Variants in CSPG5 observed in about 807,000 individuals in gnomAD.
CSPG5 encodes the protein acidic leucine-rich EGF-like domain-containing brain protein.
In CSPG5, 25 loss-of-function variants were observed where a neutral mutation model predicts 39.8. That is an observed-to-expected ratio of 0.63 (90% CI 0.46 to 0.88). The LOEUF is 0.88. Among genes scored for constraint, CSPG5 ranks in the 40% least tolerant of loss-of-function variants. The pLI, the probability that CSPG5 is intolerant of heterozygous loss-of-function variation, is 0.00. For missense variants in CSPG5, 627 were observed against 702.2 expected, an observed-to-expected ratio of 0.89 and a Z score of 1.21; for synonymous variants, 295 against 303.9, an observed-to-expected ratio of 0.97 and a Z score of 0.31.
At chr3:47,574,310 T>G (rs2031628490) in intron 2 of CSPG5, among the ~76,000 whole-genome samples, 1 of 152,116 alleles carries the variant, frequency 6.6e-6, no homozygotes. Context: ...GGCTCCAAAT[T>G]TCATACTATT....
Position 47,577,395 on chromosome 3 carries a change from C to T in CSPG5, c.631G>A (p.Asp211Asn), listed in dbSNP as rs2108209977. Residue 211 changes from aspartate (D) to asparagine (N), a missense_variant, in exon 2 of 5, where the codon GAC (aspartate) becomes AAC (asparagine). Coordinates refer to ENST00000264723, the MANE Select transcript of CSPG5 (RefSeq NM_006574.4). This position sits in a 1 kb window ranked among gnomAD's most constrained non-coding sequence, Gnocchi z 4.7. ...TCACCATCCAGTCCTTCGAAGTAGT[C>T]GATGTCAATGATATCTGATGCCGGT... is the stretch of plus-strand genomic sequence containing the variant. ...PQPASDIIDI[D>N]YFEGLDGEGR... 6.2e-7 allele frequency: 1 copy of T among 1,614,162 alleles called. No homozygotes were observed. Among genetic ancestry groups the T allele is most frequent in the South Asian group, 1.1e-5 (1 of 91,080 alleles).
intron 3 of CSPG5, among the ~76,000 whole-genome samples, chr3:47,570,921 CA>C (rs1209602284): frequency 6.6e-6 from 1 of 152,068 alleles, no homozygotes; most frequent in African/African-American, 2.4e-5. Flanking sequence ...CAGGGAATTA[CA>C]ACTACATCAT....
At chr3:47,569,275 G>C (rs572013771) in intron 3 of CSPG5, 48 bp from the exon 4 acceptor site, 3 of 1,571,472 alleles carry the variant, frequency 1.9e-6, no homozygotes, top group South Asian at 1.1e-5. Context: ...AAATAATCAC[G>C]GCAAAACATG....
chr3:47,571,292 G>A (rs2031519455), intron 3 of CSPG5, among the ~76,000 whole-genome samples: 1 of 152,224 alleles, frequency 6.6e-6, no homozygotes, highest in Admixed American at 6.5e-5. Context: ...AGAGGGCCAT[G>A]CTCTGTGAAA....
At chr3:47,574,117 C>A (rs1256687579) in intron 2 of CSPG5, among the ~76,000 whole-genome samples, 1 of 152,138 alleles carries the variant, frequency 6.6e-6, no homozygotes. Context: ...GGGATGGAAG[C>A]TAAGCAAGGG....
At chr3:47,567,378 T>A (rs141501367) in intron 4 of CSPG5, among the ~76,000 whole-genome samples, 1 of 152,306 alleles carries the variant, frequency 6.6e-6, no homozygotes, top group Non-Finnish European at 1.5e-5. Flanking sequence ...CGGGATAATG[T>A]GCTCACCGAG....
intron 3 of CSPG5, among the ~76,000 whole-genome samples, chr3:47,571,404 C>A (rs1414304756): frequency 2.6e-5 from 4 of 152,216 alleles, no homozygotes; most frequent in African/African-American, 9.7e-5. Flanking sequence ...TTCTCTCCCC[C>A]ATCCTCATCA....
In CSPG5 at chr3:47,577,004, G is replaced by A. The variant is rs773659783; in HGVS notation, c.1022C>T (p.Pro341Leu). The A allele has an allele frequency of 1.9e-6, 3 of 1,613,274 alleles. No individual in the cohort carries two copies. In the South Asian group the frequency reaches 3.3e-5, roughly 18 times the overall value. Residue 341 changes from proline (P) to leucine (L), a missense_variant, in exon 2 of 5, where the codon CCC becomes CTC. Pro to Leu is a moderately conservative substitution (Grantham distance 98). Transcript: ENST00000264723. The surrounding 1 kb of genome is among the most constrained non-coding windows in gnomAD (Gnocchi z 4.7). ...GTCCCTGCCTGGCTCTCCTGGGCGG[G>A]GCCTGAGGGCGATGCTGCTGCCGGG... ...SVPGSSIALR[P>L]RPGEPGRDLA...
At chr3:47,575,331 G>A (rs930088080) in intron 2 of CSPG5, among the ~76,000 whole-genome samples, 22 of 152,200 alleles carry the variant, frequency 1.4e-4, no homozygotes, top group Admixed American at 1.2e-3. Flanking sequence ...AACCCTCAAA[G>A]GAGTCTGAGG....
intron 4 of CSPG5, among the ~76,000 whole-genome samples, chr3:47,563,118 G>A (rs895092900): frequency 9.2e-5 from 14 of 152,262 alleles, no homozygotes; most frequent in South Asian, 6.2e-4. Flanking sequence ...TGCTGAGCCC[G>A]GCCTTCCTCT....
chr3:47,576,711 C>T (rs964423572), intron 2 of CSPG5, 122 bp downstream of exon 2: 113 of 1,147,808 alleles, frequency 9.8e-5, no homozygotes, highest in Non-Finnish European at 1.3e-4. Flanking sequence ...CCGCCTGCCT[C>T]AGCCTCCCAA....
intron 3 of CSPG5, among the ~76,000 whole-genome samples, chr3:47,571,538 T>C (rs1407194642): frequency 6.6e-6 from 1 of 152,196 alleles, no homozygotes; most frequent in Non-Finnish European, 1.5e-5. Flanking sequence ...TGATCACGTG[T>C]GTAGATGCAG....
chr3:47,569,076 A>G, intron 4 of CSPG5, 76 bp downstream of exon 4: 1 of 1,516,452 alleles, frequency 6.6e-7, no homozygotes, highest in Non-Finnish European at 8.8e-7. Context: ...GTTACCTGAC[A>G]GATAACGTTA....
rs1043170774 is a variant in CSPG5, at chr3:47,569,162, G to C, written c.1448C>G (p.Ser483Cys). 1.9e-6 allele frequency: 3 copies of C among 1,611,424 alleles called. No individual in the cohort carries two copies. The highest frequency in any genetic ancestry group is 1.7e-6 in the Non-Finnish European group (2 of 1,178,868). ...GCAAAGTTTCCTTACATTTGGGTGA[G>C]AGCCCTCGGCAATGGTGGAGAGGGA... ...NFSLSTIAEG[S>C]HPNDDPSAPH... Residue 483 changes from serine to cysteine, a missense_variant, in exon 4 of 5, where the codon TCT (serine) becomes TGT (cysteine). Ser to Cys is a moderately radical substitution (Grantham distance 112, BLOSUM62 -1). Coordinates refer to ENST00000264723, the MANE Select transcript of CSPG5 (RefSeq NM_006574.4).
At chr3:47,576,272 A>G (rs1295478176) in intron 2 of CSPG5, among the ~76,000 whole-genome samples, 1 of 151,742 alleles carries the variant, frequency 6.6e-6, no homozygotes, top group Non-Finnish European at 1.5e-5. Flanking sequence ...TTGGGTAAGG[A>G]CACAACACAC....
intron 3 of CSPG5, among the ~76,000 whole-genome samples, chr3:47,571,095 T>TAAAA (rs138935167): frequency 2.1e-5 from 3 of 143,124 alleles, no homozygotes; most frequent in South Asian, 2.2e-4. Flanking sequence ...TCAATTAAAT[T>TAAAA]AAAAAAAAAA....
chr3:47,564,342 G>A (rs1279994249), intron 4 of CSPG5, among the ~76,000 whole-genome samples: 3 of 152,162 alleles, frequency 2.0e-5, no homozygotes, highest in Admixed American at 2.0e-4. Context: ...CATGGTTCTT[G>A]TACACACAGG....
At position 47,578,371 on chromosome 3, in the gene CSPG5, C is replaced by T. The variant is rs2031860821; in HGVS notation, c.97+226G>A. 6.7e-6 allele frequency among the ~76,000 whole-genome samples: 1 copy of T among 150,028 alleles called. No individual in the cohort carries two copies. Among genetic ancestry groups the T allele is most frequent in the East Asian group, 2.0e-4 (1 of 5,016 alleles). ...CCCCGCCCCCAGTCCGCACCGCGGC[C>T]CGCGCGCTTGGGTCCCGGCTACCCC... On this transcript the variant is annotated intron_variant, in intron 1 of 4. Coordinates refer to ENST00000264723, the MANE Select transcript of CSPG5 (RefSeq NM_006574.4). This position sits in a 1 kb window ranked among gnomAD's most constrained non-coding sequence, Gnocchi z 6.0.
At position 47,577,090 on chromosome 3, in the gene CSPG5, C is replaced by G; in HGVS notation, c.936G>C (p.Gly312=). Residue 312 remains glycine (G), a synonymous_variant, in exon 2 of 5, where the codon GGG becomes GGC. Coordinates refer to ENST00000264723, the MANE Select transcript of CSPG5 (RefSeq NM_006574.4). This position sits in a 1 kb window ranked among gnomAD's most constrained non-coding sequence, Gnocchi z 4.7. ...GCCACCGACTGGTGGGCTGGCCTGT[C>G]CCGGGCCCCAGACCAGGCTTCCCAG... ...VPTGKPGLGP[G]TGQPTSRWHA... is the part of the protein sequence containing the mutation. The G allele has an allele frequency of 6.2e-7, 1 of 1,613,768 alleles. No homozygotes were observed.
Sources: allele counts gnomAD v4.1 joint callset (sites outside exome capture counted in the v4.1 genomes callset), GRCh38; gene constraint gnomAD v4.1.1; non-coding constraint Gnocchi (gnomAD v3.1); transcripts MANE v1.5; gene names NCBI Gene and HGNC (gene_info 2026-07-23, HGNC 2026-07-21).